Variants in BCAS3 observed in about 807,000 individuals in gnomAD.
BCAS3 encodes the protein BCAS3 microtubule associated cell migration factor.
Under a neutral mutation model 116.1 loss-of-function variants are expected in BCAS3, and 53 were observed. The observed-to-expected ratio is 0.46, with a 90% CI of 0.37 to 0.57. BCAS3 has a LOEUF of 0.57. Among genes scored for constraint, BCAS3 ranks in the 20% least tolerant of loss-of-function variants. The pLI is 0.00. For synonymous variants in BCAS3, 391 were observed against 408.2 expected (o/e 0.96, Z 0.51); for missense variants, 917 against 1,165.4 (o/e 0.79, Z 3.10).
intron 13 of BCAS3, among the ~76,000 whole-genome samples, chr17:60,931,058 A>G (rs897422691): frequency 4.0e-5 from 6 of 151,388 alleles, no homozygotes; most frequent in Non-Finnish European, 7.4e-5. Context: ...TTTTTTTTCA[A>G]TTTTTTAATT....
intron 13 of BCAS3, among the ~76,000 whole-genome samples, chr17:60,925,861 TG>T (rs1183676022): frequency 1.7e-4 from 26 of 150,102 alleles, no homozygotes; most frequent in African/African-American, 6.5e-4. Context: ...TTTTTTTTTT[TG>T]ATTTTGGAAT....
chr17:60,995,578 G>C lies in BCAS3; in HGVS notation c.1486+5343G>C, dbSNP rs899451853. 1.3e-5 allele frequency among the ~76,000 whole-genome samples: 2 copies of C among 152,024 alleles called. No individual in the cohort carries two copies. The highest frequency in any genetic ancestry group is 4.8e-5 in the African/African-American group (2 of 41,390). ...CTCCCAAGGTGCTGGGATTACAAGC[G>C]TGAACCACCGCGCCCGACCAGTTTC... On this transcript the variant is annotated intron_variant, in intron 15 of 23. Transcript: ENST00000407086. This position sits in a 1 kb window ranked among gnomAD's most constrained non-coding sequence, Gnocchi z 4.7.
chr17:60,900,726 A>G (rs1169766316), intron 10 of BCAS3, among the ~76,000 whole-genome samples: 1 of 151,928 alleles, frequency 6.6e-6, no homozygotes, highest in African/African-American at 2.4e-5. Flanking sequence ...TTGCTTAACA[A>G]TATTTCCTGG....
At chr17:60,741,573 A>T (rs931838711) in intron 5 of BCAS3, among the ~76,000 whole-genome samples, 2 of 152,214 alleles carry the variant, frequency 1.3e-5, no homozygotes, top group African/African-American at 4.8e-5. Context: ...GGGCCATTAT[A>T]ATAAAGACTA....
At chr17:60,948,356 C>G (rs2060639319) in intron 14 of BCAS3, among the ~76,000 whole-genome samples, 1 of 152,098 alleles carries the variant, frequency 6.6e-6, no homozygotes, top group Non-Finnish European at 1.5e-5. Flanking sequence ...AAACTCCTGG[C>G]CTCGTGATCC....
At chr17:61,231,135 G>A (rs1360835647) in intron 22 of BCAS3, among the ~76,000 whole-genome samples, 5 of 152,014 alleles carry the variant, frequency 3.3e-5, no homozygotes, top group Non-Finnish European at 5.9e-5. Context: ...TCTGACTGGT[G>A]TGAGATTATA....
chr17:60,926,838 A>G (rs2059388892), intron 13 of BCAS3, among the ~76,000 whole-genome samples: 1 of 152,170 alleles, frequency 6.6e-6, no homozygotes, highest in Non-Finnish European at 1.5e-5. Flanking sequence ...ATGGTTTCAT[A>G]ATTTTGATCT....
intron 22 of BCAS3, among the ~76,000 whole-genome samples, chr17:61,163,128 T>A (rs1305799715): frequency 6.6e-6 from 1 of 152,186 alleles, no homozygotes; most frequent in Non-Finnish European, 1.5e-5. Context: ...ATATTATTTT[T>A]AAAAAGTGGT....
chr17:61,110,009 T>C (rs565437765), intron 22 of BCAS3, among the ~76,000 whole-genome samples: 23 of 152,368 alleles, frequency 1.5e-4, no homozygotes, highest in Non-Finnish European at 2.4e-4. Flanking sequence ...TCATGAAGTA[T>C]TTGCCTAAGC....
chr17:60,854,797 C>T (rs1278223468), intron 7 of BCAS3, among the ~76,000 whole-genome samples: 1 of 152,156 alleles, frequency 6.6e-6, no homozygotes, highest in Non-Finnish European at 1.5e-5. Flanking sequence ...TTTATGTCCA[C>T]ACAGCCTGCA....
intron 14 of BCAS3, among the ~76,000 whole-genome samples, chr17:60,954,510 A>G (rs1054975340): frequency 2.0e-5 from 3 of 152,176 alleles, no homozygotes; most frequent in Non-Finnish European, 4.4e-5. Context: ...CATCTAGGTA[A>G]TCTTAGCCTT....
intron 7 of BCAS3, among the ~76,000 whole-genome samples, chr17:60,809,467 G>A (rs1478946524): frequency 6.6e-6 from 1 of 152,166 alleles, no homozygotes; most frequent in Non-Finnish European, 1.5e-5. Context: ...AGCTGCTCCT[G>A]TCCCACTCCA....
chr17:60,787,379 A>T (rs184294966), intron 6 of BCAS3, among the ~76,000 whole-genome samples: 2 of 152,290 alleles, frequency 1.3e-5, no homozygotes. Context: ...GTTGTTGCAT[A>T]CATCAATATA....
At chr17:61,031,524 C>T (rs116872185) in intron 16 of BCAS3, among the ~76,000 whole-genome samples, 3,352 of 152,106 alleles carry the variant, frequency 0.022, 53 homozygotes, top group Non-Finnish European at 0.036. Context: ...TTATTCATAA[C>T]GTTCTTTTTA....
rs1254981319 is a variant in BCAS3, at chr17:61,204,825, G to A, written c.2425+120261G>A. The stretch of plus-strand genomic sequence containing the variant: ...CAAGCACTTTAGGAGGCTGAGGCAC[G>A]CAGATCAGTTGAGGCCAGGAGTTCG... On this transcript the variant is annotated intron_variant, in intron 22 of 23. Transcript: ENST00000407086. The surrounding 1 kb of genome is among the most constrained non-coding windows in gnomAD (Gnocchi z 4.2). Among the ~76,000 whole-genome samples, 6 of 152,108 alleles carry A rather than the reference G, an allele frequency of 3.9e-5. No individual in the cohort carries two copies. The highest frequency in any genetic ancestry group is 1.9e-4 in the East Asian group (1 of 5,196).
Position 60,779,714 on chromosome 17 carries a change from T to C in BCAS3, c.404-28290T>C, listed in dbSNP as rs142366213. The stretch of plus-strand genomic sequence containing the variant: ...GTTCCTATCAAGATAGCTTATTATG[T>C]ATATGTAAATATTCCAAAAGCCAAA... On this transcript the variant is annotated intron_variant, in intron 6 of 23. Transcript: ENST00000407086. Among the ~76,000 whole-genome samples the C allele has an allele frequency of 1.4e-4, 22 of 152,250 alleles. 1 individual carries two copies. Among genetic ancestry groups the C allele is most frequent in the African/African-American group, 4.8e-4 (20 of 41,548 alleles).
At chr17:61,120,882 A>G (rs2075755303) in intron 22 of BCAS3, among the ~76,000 whole-genome samples, 1 of 152,102 alleles carries the variant, frequency 6.6e-6, no homozygotes, top group Non-Finnish European at 1.5e-5. Flanking sequence ...GACTCTTTTA[A>G]TATGTAAGTT....
intron 6 of BCAS3, among the ~76,000 whole-genome samples, chr17:60,787,917 CT>C (rs76548598): frequency 2.9e-3 from 398 of 139,458 alleles, no homozygotes; most frequent in Middle Eastern, 3.7e-3. Context: ...TGAATAGTAC[CT>C]TTTTTTTTTT....
At chr17:61,172,706 C>T (rs2144124023) in intron 22 of BCAS3, among the ~76,000 whole-genome samples, 1 of 149,158 alleles carries the variant, frequency 6.7e-6, no homozygotes, top group African/African-American at 2.5e-5. Flanking sequence ...AAAGGATTGG[C>T]TGGGCGCGGT....
Sources: allele counts gnomAD v4.1 joint callset (sites outside exome capture counted in the v4.1 genomes callset), GRCh38; gene constraint gnomAD v4.1.1; non-coding constraint Gnocchi (gnomAD v3.1); transcripts MANE v1.5; gene names NCBI Gene and HGNC (gene_info 2026-07-23, HGNC 2026-07-21).